The following DOCK8 variants were observed in gnomAD, a reference collection of about 807,000 sequenced individuals.
DOCK8 encodes the protein dedicator of cytokinesis protein 8.
Under a neutral mutation model 245.6 loss-of-function variants are expected in DOCK8, and 141 were observed. That is an observed-to-expected ratio of 0.57 (90% CI 0.50 to 0.66). The LOEUF is 0.66. DOCK8 is among the 30% of genes least tolerant of loss of function. The probability of loss-of-function intolerance (pLI) is 0.00; values close to 1 mark genes in which losing one functional copy is unlikely to be tolerated. For synonymous variants in DOCK8, 1,168 were observed against 970.2 expected, an observed-to-expected ratio of 1.20 and a Z score of -3.79; for missense variants, 2,965 against 2,603.4, an observed-to-expected ratio of 1.14 and a Z score of -3.02.
intron 1 of DOCK8, among the ~76,000 whole-genome samples, chr9:251,940 A>G (rs1299533234): frequency 2.0e-5 from 3 of 151,344 alleles, no homozygotes; most frequent in Admixed American, 1.3e-4. Flanking sequence ...TAACCAGCAC[A>G]TGGGGTGCAG....
At chr9:359,691 T>C (rs570888113) in intron 14 of DOCK8, among the ~76,000 whole-genome samples, 192 of 151,738 alleles carry the variant, frequency 1.3e-3, no homozygotes, top group African/African-American at 4.5e-3. Flanking sequence ...CAAATTGCTA[T>C]AGAGAGTAAA....
intron 33 of DOCK8, among the ~76,000 whole-genome samples, chr9:423,265 G>A (rs755373187): frequency 5.3e-5 from 8 of 152,248 alleles, no homozygotes; most frequent in South Asian, 2.1e-4. Context: ...ATATATTGAC[G>A]TGTATTGCTA....
intron 6 of DOCK8, 120 bp downstream of exon 6, chr9:312,286 T>C: frequency 8.1e-7 from 1 of 1,227,198 alleles, no homozygotes; most frequent in Non-Finnish European, 1.2e-6. Context: ...ACTTGTATGA[T>C]TTCTGGGGCC....
At chr9:304,322 C>T (rs1000850735) in intron 4 of DOCK8, among the ~76,000 whole-genome samples, 6 of 152,284 alleles carry the variant, frequency 3.9e-5, no homozygotes, top group African/African-American at 7.2e-5. Flanking sequence ...GAAATGACCG[C>T]ACCTCTGAAG....
At chr9:425,648 C>T (rs1267235386) in intron 33 of DOCK8, among the ~76,000 whole-genome samples, 1 of 150,544 alleles carries the variant, frequency 6.6e-6, no homozygotes, top group Non-Finnish European at 1.5e-5. Flanking sequence ...GTCCCAGATA[C>T]TCAGGAGGCT....
rs2049725490 is a variant in DOCK8, at chr9:304,616, A to T, written c.440A>T (p.Lys147Met). Residue 147 changes from lysine (K) to methionine (M), a missense_variant, in exon 5 of 48, where the codon AAG becomes ATG. By Grantham distance (95) the Lys-to-Met change is moderately conservative (BLOSUM62 -1). Around this residue, in one of 3 missense-constraint regions of DOCK8, gnomAD observed 2,825 missense variants for 2,453.5 expected, o/e 1.15. Coordinates refer to ENST00000432829, the MANE Select transcript of DOCK8 (RefSeq NM_203447.4). ...AGTCCAGAAATCTGTGGCTTTAAAAAGACTGGATCTCGAAAAGATTTTCAC... is the reference window on the plus strand; with the variant it reads ...AGTCCAGAAATCTGTGGCTTTAAAATGACTGGATCTCGAAAAGATTTTCAC... ...QGSPEICGFKKTGSRKDFHKT... is the reference protein window; with the variant it reads ...QGSPEICGFKMTGSRKDFHKT... 1 of 1,614,248 alleles carries T rather than the reference A, an allele frequency of 6.2e-7. No individual in the cohort carries two copies. Among genetic ancestry groups the T allele is most frequent in the Non-Finnish European group, 8.5e-7 (1 of 1,180,032 alleles).
chr9:443,795 C>A (rs2057165674), intron 43 of DOCK8, among the ~76,000 whole-genome samples: 1 of 152,068 alleles, frequency 6.6e-6, no homozygotes, highest in Non-Finnish European at 1.5e-5. Flanking sequence ...TGCAACGACC[C>A]CTGGAAGTAG....
intron 18 of DOCK8, 116 bp from the exon 19 acceptor site, chr9:376,094 A>G: frequency 6.2e-6 from 5 of 805,864 alleles, no homozygotes; most frequent in South Asian, 2.8e-5. Flanking sequence ...TTAGTTTTCA[A>G]GAGAGTTCTG....
chr9:327,572 T>A (rs78929801), intron 8 of DOCK8, among the ~76,000 whole-genome samples: 430 of 152,178 alleles, frequency 2.8e-3, no homozygotes, highest in Non-Finnish European at 3.8e-3. Context: ...AGTTTTTGTA[T>A]TTTTTGTAGA....
At chr9:411,955 C>G (rs1319651537) in intron 28 of DOCK8, among the ~76,000 whole-genome samples, 1 of 152,150 alleles carries the variant, frequency 6.6e-6, no homozygotes, top group Non-Finnish European at 1.5e-5. Context: ...GACTTAAGGG[C>G]CTCTATGAAA....
chr9:278,965 G>A (rs573473075), intron 2 of DOCK8, among the ~76,000 whole-genome samples: 8 of 152,322 alleles, frequency 5.3e-5, no homozygotes, highest in East Asian at 1.9e-4. Context: ...GACTGGACGA[G>A]GGAGGGCAGT....
chr9:297,870 C>A (rs914289557), intron 4 of DOCK8, among the ~76,000 whole-genome samples: 1 of 152,182 alleles, frequency 6.6e-6, no homozygotes, highest in Non-Finnish European at 1.5e-5. Context: ...ATAGAAGATG[C>A]TAGTCTTAAT....
At chr9:293,230 A>T in intron 4 of DOCK8, among the ~76,000 whole-genome samples, 1 of 152,038 alleles carries the variant, frequency 6.6e-6, no homozygotes, top group African/African-American at 2.4e-5. Flanking sequence ...ATTCTCTTGC[A>T]CTCTGAATCT....
intron 33 of DOCK8, among the ~76,000 whole-genome samples, chr9:424,096 A>G: frequency 6.6e-6 from 1 of 151,864 alleles, no homozygotes; most frequent in African/African-American, 2.4e-5. Flanking sequence ...AACCATAGTA[A>G]AATTATAACT....
Position 434,250 on chromosome 9 carries a change from G to C in DOCK8, c.4886+275G>C, listed in dbSNP as rs558045782. Among the ~76,000 whole-genome samples the C allele has an allele frequency of 5.8e-4, 89 of 152,174 alleles. 1 individual carries two copies. The highest frequency in any genetic ancestry group is 4.2e-3 in the South Asian group (20 of 4,818). On this transcript the variant is annotated intron_variant, in intron 38 of 47. Transcript: ENST00000432829. ...ATCTTCTACTTACCACAGAATCAGAGAAAGAATAATTAACTGTTATAGGAA... is the reference window on the plus strand; with the variant it reads ...ATCTTCTACTTACCACAGAATCAGACAAAGAATAATTAACTGTTATAGGAA...
intron 7 of DOCK8, among the ~76,000 whole-genome samples, chr9:319,343 T>G (rs948739606): frequency 6.6e-6 from 1 of 152,188 alleles, no homozygotes; most frequent in Non-Finnish European, 1.5e-5. Flanking sequence ...AAGTGCAGTT[T>G]CTAGTGATGT....
chr9:429,133 A>C (rs918339558), intron 35 of DOCK8, among the ~76,000 whole-genome samples: 1 of 152,000 alleles, frequency 6.6e-6, no homozygotes, highest in Non-Finnish European at 1.5e-5. Context: ...CACCCAGCTA[A>C]TTTTTGTATT....
chr9:317,588 C>T (rs1157902315), intron 7 of DOCK8, among the ~76,000 whole-genome samples: 4 of 152,096 alleles, frequency 2.6e-5, no homozygotes, highest in Admixed American at 1.3e-4. Context: ...CCTCAGCACC[C>T]GGAGATTATT....
chr9:237,242 C>A (rs577538901), intron 1 of DOCK8, among the ~76,000 whole-genome samples: 2 of 152,352 alleles, frequency 1.3e-5, no homozygotes, highest in African/African-American at 4.8e-5. Flanking sequence ...AAAGCAAAAG[C>A]CAAACAAGTA....
Sources: allele counts gnomAD v4.1 joint callset (sites outside exome capture counted in the v4.1 genomes callset), GRCh38; gene constraint gnomAD v4.1.1; regional missense constraint gnomAD v4.1.1; transcripts MANE v1.5; gene names NCBI Gene and HGNC (gene_info 2026-07-23, HGNC 2026-07-21).